TRIM56: variants seen among roughly 807,000 people sequenced by gnomAD.
TRIM56 encodes E3 ubiquitin-protein ligase TRIM56.
A neutral mutation model predicts 17.1 loss-of-function variants in TRIM56; 10 were observed. That is an observed-to-expected ratio of 0.58 (90% CI 0.36 to 0.99). The LOEUF (loss-of-function observed/expected upper bound fraction) is 0.99, where lower values mean the gene tolerates loss of function less well. Ranked by LOEUF, TRIM56 falls within the 50% of genes least tolerant of loss-of-function variation. TRIM56 has a pLI of 0.01. For missense variants in TRIM56, 923 were observed against 1,052.3 expected, an observed-to-expected ratio of 0.88 and a Z score of 1.70; for synonymous variants, 503 against 473.5, an observed-to-expected ratio of 1.06 and a Z score of -0.81.
chr7:101,095,782 G>A lies in TRIM56; in HGVS notation c.*6202G>A, dbSNP rs2116546774. The A allele has an allele frequency of 6.6e-6, 1 of 152,404 alleles. No individual in the cohort carries two copies. The highest frequency in any genetic ancestry group is 1.9e-4 in the East Asian group (1 of 5,188). 9.4% of individuals were successfully genotyped at this position (152,404 alleles called of 1,614,324 possible). A position where few individuals can be genotyped will look rare whatever the true frequency, so the allele number is the denominator to read the frequency against. On this transcript the variant is annotated 3_prime_UTR_variant, in exon 3 of 3. Coordinates refer to ENST00000306085, the MANE Select transcript of TRIM56 (RefSeq NM_030961.3). ...AGGACACTGGAAAATGAGAAGCATG[G>A]ATGGGAAGTGTTGCATTGAGCATAA...
Position 101,088,932 on chromosome 7 carries a change from C to A in TRIM56, c.1620C>A (p.Tyr540Ter). 1.2e-6 allele frequency: 2 copies of A among 1,613,678 alleles called. No individual in the cohort carries two copies. Among genetic ancestry groups the A allele is most frequent in the South Asian group, 1.1e-5 (1 of 91,088 alleles). Residue 540 changes from tyrosine to a stop codon, truncating the protein, a stop_gained, in exon 3 of 3, where the codon TAC (tyrosine) becomes TAA (stop). Coordinates refer to ENST00000306085, the MANE Select transcript of TRIM56 (RefSeq NM_030961.3). LOFTEE classifies it high-confidence loss of function. ...AACGCTTCTCCCTCAACGGCGACTA[C>A]AAGGGCACCGTGCCGGTCCCTGAGG... ...ALKRFSLNGD[Y>*]KGTVPVPEGC...
At chr7:101,087,282 C>G (rs938021431) in intron 2 of TRIM56, 30 bp from the exon 3 acceptor site, 1 of 1,587,012 alleles carries the variant, frequency 6.3e-7, no homozygotes, top group East Asian at 2.2e-5. Context: ...GGTGCCTTCT[C>G]AACTCTGATC....
rs1199898739 is a variant in TRIM56, at chr7:101,097,665, G to GGTTTGGGAA, written c.*8086_*8087insTTTGGGAAG. On this transcript the variant is annotated 3_prime_UTR_variant, in exon 3 of 3. Transcript: ENST00000306085. Reference sequence around the variant, plus strand: ...AAGACATTAGGAAGGAGGTTTGGGAGGGCAGCCTGACTTGTCTCCAGAGAA... The same window carrying GGTTTGGGAA: ...AAGACATTAGGAAGGAGGTTTGGGAGGTTTGGGAAGGCAGCCTGACTTGTCTCCAGAGAA... 2.1e-5 allele frequency: 1 copy of GGTTTGGGAA among 48,192 alleles called. No individual in the cohort carries two copies. The highest frequency in any genetic ancestry group is 4.6e-5 in the Non-Finnish European group (1 of 21,806). 3.0% of individuals were successfully genotyped at this position (48,192 alleles called of 1,614,324 possible).
Position 101,088,549 on chromosome 7 carries a change from G to A in TRIM56, c.1237G>A (p.Gly413Arg), listed in dbSNP as rs757068410. 9.9e-6 allele frequency: 16 copies of A among 1,613,690 alleles called. No individual in the cohort carries two copies. Among genetic ancestry groups the A allele is most frequent in the East Asian group, 2.2e-5 (1 of 44,888 alleles). Residue 413 changes from glycine to arginine, a missense_variant, in exon 3 of 3, where the codon GGA becomes AGA. By Grantham distance (125) the Gly-to-Arg change is moderately radical. Around this residue, in one of 3 missense-constraint regions of TRIM56, gnomAD observed 643 missense variants for 665.6 expected, o/e 0.97. Coordinates refer to ENST00000306085, the MANE Select transcript of TRIM56 (RefSeq NM_030961.3). ...ERQGGVQPQAGDGAQTPKEEK... is the reference protein window; with the variant it reads ...ERQGGVQPQARDGAQTPKEEK... ...ACAGGGTGGAGTCCAGCCCCAGGCT[G>A]GAGATGGAGCCCAGACCCCAAAAGA...
Position 101,088,103 on chromosome 7 carries a change from G to A in TRIM56, c.791G>A (p.Arg264Gln), listed in dbSNP as rs1795483942. Reference protein sequence around the residue: ...QVEEAAEGVLRALLAQKQEVL... With the variant: ...QVEEAAEGVLQALLAQKQEVL... Reference sequence around the variant, plus strand: ...GAGGAGGCGGCTGAGGGCGTCCTCCGGGCCCTGCTGGCCCAGAAGCAGGAG... The same window carrying A: ...GAGGAGGCGGCTGAGGGCGTCCTCCAGGCCCTGCTGGCCCAGAAGCAGGAG... The change falls in exon 3 of 3, where the codon CGG (arginine) becomes CAG (glutamine). Residue 264 changes from arginine (R) to glutamine (Q), a missense_variant. Around this residue, in one of 3 missense-constraint regions of TRIM56, gnomAD observed 643 missense variants for 665.6 expected, o/e 0.97. Transcript: ENST00000306085. The A allele has an allele frequency of 4.6e-6, 7 of 1,506,170 alleles. No homozygotes were observed. Among genetic ancestry groups the A allele is most frequent in the East Asian group, 2.5e-5 (1 of 40,514 alleles). The allele number at this position is 1,506,170 out of a possible 1,614,324, so 93.3% of individuals were successfully genotyped here.
Position 101,092,388 on chromosome 7 carries a change from C to A in TRIM56, c.*2808C>A. 5.7e-6 allele frequency: 1 copy of A among 174,068 alleles called. No homozygotes were observed. Among genetic ancestry groups the A allele is most frequent in the Non-Finnish European group, 1.2e-5 (1 of 82,468 alleles). The allele number at this position is 174,068 out of a possible 1,614,324, so 10.8% of individuals were successfully genotyped here. A position where few individuals can be genotyped will look rare whatever the true frequency, so the allele number is the denominator to read the frequency against. On this transcript the variant is annotated 3_prime_UTR_variant, in exon 3 of 3. Transcript: ENST00000306085. ...CCATCATCTGAGATGTGGGGAGCAC[C>A]TCAGCCCCGCCGCCCCGTCTGGGAT...
rs1029149618 is a variant in TRIM56, at chr7:101,091,313, T to C, written c.*1733T>C. 1 of 160,274 alleles carries C rather than the reference T, an allele frequency of 6.2e-6. No homozygotes were observed. Among genetic ancestry groups the C allele is most frequent in the African/African-American group, 2.4e-5 (1 of 41,486 alleles). The allele number at this position is 160,274 out of a possible 1,614,324, so 9.9% of individuals were successfully genotyped here. On this transcript the variant is annotated 3_prime_UTR_variant, in exon 3 of 3. Coordinates refer to ENST00000306085, the MANE Select transcript of TRIM56 (RefSeq NM_030961.3). ...TAGGTAGAGGGAAAAGAAAATCCCT[T>C]TCTGGGAAAACCATTTCTTGTTTAT...
At position 101,089,170 on chromosome 7, in the gene TRIM56, C is replaced by G. The variant is rs375743378; in HGVS notation, c.1858C>G (p.Leu620Val). ...GGAGGTGTACAATATGGAAGGCAGC[C>G]TGGCCACCCGGTTCATTCCTGGAGG... ...HVEVYNMEGS[L>V]ATRFIPGGKA... is the part of the protein sequence containing the mutation. The change falls in exon 3 of 3, where the codon CTG becomes GTG. Residue 620 changes from leucine to valine, a missense_variant. Leu to Val is a conservative substitution (Grantham distance 32). Transcript: ENST00000306085. 1.9e-6 allele frequency: 3 copies of G among 1,612,350 alleles called. No homozygotes were observed. Among genetic ancestry groups the G allele is most frequent in the Non-Finnish European group, 2.5e-6 (3 of 1,179,660 alleles).
At position 101,089,433 on chromosome 7, in the gene TRIM56, G is replaced by A. The variant is rs377604438; in HGVS notation, c.2121G>A (p.Pro707=). The A allele has an allele frequency of 6.4e-5, 104 of 1,614,108 alleles. No individual in the cohort carries two copies. Among genetic ancestry groups the A allele is most frequent in the Non-Finnish European group, 7.5e-5 (89 of 1,180,040 alleles). Residue 707 remains proline (P), a synonymous_variant, in exon 3 of 3, where the codon CCG becomes CCA. Transcript: ENST00000306085. ...REVNKVVILD[P]KGSLLGDFLT... is the part of the protein sequence containing the mutation. Reference sequence around the variant, plus strand: ...TCAACAAGGTGGTGATCCTGGACCCGAAGGGGTCCCTCCTTGGAGACTTCC... The same window carrying A: ...TCAACAAGGTGGTGATCCTGGACCCAAAGGGGTCCCTCCTTGGAGACTTCC...
At position 101,091,048 on chromosome 7, in the gene TRIM56, G is replaced by A. The variant is rs1304314645; in HGVS notation, c.*1468G>A. ...AACCTAGAAGGTGCAATGGGGCTGC[G>A]ACGGATAGAGGTGTCAAACCAGAAG... On this transcript the variant is annotated 3_prime_UTR_variant, in exon 3 of 3. Coordinates refer to ENST00000306085, the MANE Select transcript of TRIM56 (RefSeq NM_030961.3). 1.3e-5 allele frequency: 2 copies of A among 152,280 alleles called. No homozygotes were observed. Among genetic ancestry groups the A allele is most frequent in the East Asian group, 1.9e-4 (1 of 5,198 alleles). The allele number at this position is 152,280 out of a possible 1,614,324, so 9.4% of individuals were successfully genotyped here.
Position 101,088,302 on chromosome 7 carries a change from G to A in TRIM56, c.990G>A (p.Gln330=). The A allele has an allele frequency of 6.6e-7, 1 of 1,525,406 alleles. No homozygotes were observed. The highest frequency in any genetic ancestry group is 8.8e-7 in the Non-Finnish European group (1 of 1,141,304). The allele number at this position is 1,525,406 out of a possible 1,614,324, so 94.5% of individuals were successfully genotyped here. ...TCTCCCTGGAAGGGGCGATCGCACAGCGGCTCAGGCAGCTGCAGGGCTGCC... is the reference window on the plus strand; with the variant it reads ...TCTCCCTGGAAGGGGCGATCGCACAACGGCTCAGGCAGCTGCAGGGCTGCC... ...EILSLEGAIA[Q]RLRQLQGCPW... Residue 330 remains glutamine (Q), a synonymous_variant, in exon 3 of 3, where the codon CAG becomes CAA. Coordinates refer to ENST00000306085, the MANE Select transcript of TRIM56 (RefSeq NM_030961.3).
rs376098334 is a variant in TRIM56, at chr7:101,087,522, G to A, written c.210G>A (p.Val70=). Residue 70 remains valine (V), a synonymous_variant, in exon 3 of 3, where the codon GTG becomes GTA. Transcript: ENST00000306085. ...CAGTGCCTGTGCCGCCCGAGGGTGTGGCCTCCTTCAAGACCAACTTCTTCG... is the reference window on the plus strand; with the variant it reads ...CAGTGCCTGTGCCGCCCGAGGGTGTAGCCTCCTTCAAGACCAACTTCTTCG... ...RETVPVPPEG[V]ASFKTNFFVN... is the part of the protein sequence containing the mutation. 3.5e-5 allele frequency: 57 copies of A among 1,613,342 alleles called. No homozygotes were observed. Among genetic ancestry groups the A allele is most frequent in the Middle Eastern group, 1.7e-4 (1 of 6,060 alleles).
At position 101,089,268 on chromosome 7, in the gene TRIM56, C is replaced by T. The variant is rs1304340346; in HGVS notation, c.1956C>T (p.Asp652=). 3 of 1,611,054 alleles carry T rather than the reference C, an allele frequency of 1.9e-6. No individual in the cohort carries two copies. In the African/African-American group the frequency reaches 4.0e-5, roughly 22 times the overall value. ...TSPQGHFVGS[D]WQQNSVVICD... Reference sequence around the variant, plus strand: ...CCCAGGGGCATTTCGTGGGGTCGGACTGGCAGCAGAATAGTGTGGTAATCT... The same window carrying T: ...CCCAGGGGCATTTCGTGGGGTCGGATTGGCAGCAGAATAGTGTGGTAATCT... The change falls in exon 3 of 3, where the codon GAC becomes GAT. Residue 652 remains aspartate, a synonymous_variant. Transcript: ENST00000306085.
chr7:101,091,798 T>G lies in TRIM56; in HGVS notation c.*2218T>G. ...TCTCCCTCTCCCCACGGTCTCCCTCTGCCTCTCTTTCCATGGTCACGGTCT... is the reference window on the plus strand; with the variant it reads ...TCTCCCTCTCCCCACGGTCTCCCTCGGCCTCTCTTTCCATGGTCACGGTCT... On this transcript the variant is annotated 3_prime_UTR_variant, in exon 3 of 3. Transcript: ENST00000306085. 7 of 435,870 alleles carry G rather than the reference T, an allele frequency of 1.6e-5. No homozygotes were observed. Among genetic ancestry groups the G allele is most frequent in the South Asian group, 1.1e-4 (7 of 61,056 alleles). The allele number at this position is 435,870 out of a possible 1,614,324, so 27.0% of individuals were successfully genotyped here.
rs1187878341 is a variant in TRIM56 at position 101,091,913 on chromosome 7, G to C, written c.*2333G>C. 11 of 307,132 alleles carry C rather than the reference G, an allele frequency of 3.6e-5. No homozygotes were observed. Among genetic ancestry groups the C allele is most frequent in the East Asian group, 2.4e-4 (2 of 8,330 alleles). 19.0% of individuals were successfully genotyped at this position (307,132 alleles called of 1,614,324 possible). On this transcript the variant is annotated 3_prime_UTR_variant, in exon 3 of 3. Transcript: ENST00000306085. ...CCTGATTCTCCTGCCTCAGCCTGCCGAGTGCCTGCGATTGCAGGCGCGCGC... is the reference window on the plus strand; with the variant it reads ...CCTGATTCTCCTGCCTCAGCCTGCCCAGTGCCTGCGATTGCAGGCGCGCGC...
In TRIM56 at chr7:101,088,506, T is replaced by A; in HGVS notation, c.1194T>A (p.Asp398Glu). ...AGGAGAGCCAGAGCCGGAGGGAGGA[T>A]GAGCCGAAGACTGAGAGACAGGGTG... is the stretch of plus-strand genomic sequence containing the variant. ...GGEESQSRREDEPKTERQGGV... is the reference protein window; with the variant it reads ...GGEESQSRREEEPKTERQGGV... The change falls in exon 3 of 3, where the codon GAT becomes GAA. Residue 398 changes from aspartate to glutamate, a missense_variant. This residue lies in a region of TRIM56 where 643 missense variants were observed against 665.6 expected (regional missense o/e 0.97). Coordinates refer to ENST00000306085, the MANE Select transcript of TRIM56 (RefSeq NM_030961.3). 1 of 1,613,644 alleles carries A rather than the reference T, an allele frequency of 6.2e-7. No homozygotes were observed. Among genetic ancestry groups the A allele is most frequent in the African/African-American group, 1.3e-5 (1 of 74,902 alleles).
chr7:101,088,067 G>A lies in TRIM56; in HGVS notation c.755G>A (p.Gly252Glu), dbSNP rs1364142550. The A allele has an allele frequency of 1.3e-6, 2 of 1,525,734 alleles. No homozygotes were observed. Among genetic ancestry groups the A allele is most frequent in the East Asian group, 2.4e-5 (1 of 41,108 alleles). The allele number at this position is 1,525,734 out of a possible 1,614,324, so 94.5% of individuals were successfully genotyped here. Residue 252 changes from glycine (G) to glutamate (E), a missense_variant, in exon 3 of 3, where the codon GGG becomes GAG. Physicochemically the swap from Gly to Glu is moderately conservative, Grantham distance 98 (BLOSUM62 -2). Around this residue, in one of 3 missense-constraint regions of TRIM56, gnomAD observed 643 missense variants for 665.6 expected, o/e 0.97. Coordinates refer to ENST00000306085, the MANE Select transcript of TRIM56 (RefSeq NM_030961.3). Reference sequence around the variant, plus strand: ...CTGCGGGAGCAGGCGGCCCGGGTGGGGACTCAGGTGGAGGAGGCGGCTGAG... The same window carrying A: ...CTGCGGGAGCAGGCGGCCCGGGTGGAGACTCAGGTGGAGGAGGCGGCTGAG... ...ARLREQAARV[G>E]TQVEEAAEGV...
rs988626572 is a variant in TRIM56 at position 101,092,661 on chromosome 7, G to A, written c.*3081G>A. 7.0e-6 allele frequency: 1 copy of A among 143,650 alleles called. No homozygotes were observed. The highest frequency in any genetic ancestry group is 6.8e-5 in the Admixed American group (1 of 14,632). The allele number at this position is 143,650 out of a possible 1,614,324, so 8.9% of individuals were successfully genotyped here. A position where few individuals can be genotyped will look rare whatever the true frequency, so the allele number is the denominator to read the frequency against. On this transcript the variant is annotated 3_prime_UTR_variant, in exon 3 of 3. Transcript: ENST00000306085. ...CCCGCCCGGCCAGCCGCGCCTTCCG[G>A]GAGGGAGGTGGGGGATCAGTCCCCG... is the stretch of plus-strand genomic sequence containing the variant.
At position 101,092,170 on chromosome 7, in the gene TRIM56, T is replaced by C; in HGVS notation, c.*2590T>C. On this transcript the variant is annotated 3_prime_UTR_variant, in exon 3 of 3. Coordinates refer to ENST00000306085, the MANE Select transcript of TRIM56 (RefSeq NM_030961.3). The stretch of plus-strand genomic sequence containing the variant: ...CACCTCCCAGCCGCCCGCCTTGGCC[T>C]CCCAAAGTGCCGAGATTACAGCCTC... The C allele has an allele frequency of 8.9e-6, 2 of 225,264 alleles. No homozygotes were observed. Among genetic ancestry groups the C allele is most frequent in the South Asian group, 5.0e-5 (1 of 19,876 alleles). The allele number at this position is 225,264 out of a possible 1,614,324, so 14.0% of individuals were successfully genotyped here.
Sources: allele counts gnomAD v4.1 joint callset, GRCh38; gene constraint gnomAD v4.1.1; regional missense constraint gnomAD v4.1.1; transcripts MANE v1.5; gene names NCBI Gene and HGNC (gene_info 2026-07-23, HGNC 2026-07-21).